TTC17: variants seen among roughly 807,000 people sequenced by gnomAD.
TTC17 encodes the protein tetratricopeptide repeat domain 17, also known as tetratricopeptide repeat protein 17.
Under a neutral mutation model 143.8 loss-of-function variants are expected in TTC17, and 58 were observed. The ratio of observed to expected loss-of-function variants is 0.40; its 90% CI spans 0.33 to 0.50. TTC17 has a LOEUF of 0.50. TTC17 is among the 20% of genes least tolerant of loss of function. TTC17 has a pLI of 0.49. For missense variants in TTC17, 1,273 were observed against 1,392.5 expected, an observed-to-expected ratio of 0.91 and a Z score of 1.37; for synonymous variants, 501 against 497.8, an observed-to-expected ratio of 1.01 and a Z score of -0.09.
intron 2 of TTC17, among the ~76,000 whole-genome samples, chr11:43,380,019 C>T (rs1386478708): frequency 2.6e-5 from 4 of 151,274 alleles, no homozygotes; most frequent in Admixed American, 2.6e-4. Context: ...GTTGTAGAAA[C>T]ATTAAATCAA....
At chr11:43,438,864 T>G (rs1947351208) in intron 16 of TTC17, among the ~76,000 whole-genome samples, 1 of 152,224 alleles carries the variant, frequency 6.6e-6, no homozygotes, top group African/African-American at 2.4e-5. Flanking sequence ...TCCCTCTCAA[T>G]AGTGTCCTCT....
rs34105462 is a variant in TTC17 at position 43,388,812 on chromosome 11, GA to G, written c.250-826del. ...AACATGGTAAAACCCCATCTGTATGGAAAAAAAAAAAAAATTAGCCAGACAT... is the reference window on the plus strand; with the variant it reads ...AACATGGTAAAACCCCATCTGTATGGAAAAAAAAAAAAATTAGCCAGACAT... On this transcript the variant is annotated intron_variant, in intron 2 of 23. Transcript: ENST00000039989. Among the ~76,000 whole-genome samples the G allele has an allele frequency of 5.5e-3, 762 of 139,126 alleles. 3 individuals carry two copies. The highest frequency in any genetic ancestry group is 0.014 in the Middle Eastern group (4 of 282). 91.3% of individuals were successfully genotyped at this position (139,126 alleles called of 152,430 possible).
chr11:43,490,160 T>G lies in TTC17; in HGVS notation c.3031-79T>G, dbSNP rs1948448767. ...AATACTCAGTTGAATGGTCATGACT[T>G]GTGTTACTGAACTTAATCTTGGTAA... On this transcript the variant is annotated intron_variant, in intron 21 of 23. Transcript: ENST00000039989. The G allele has an allele frequency of 3.3e-6, 5 of 1,532,566 alleles. No individual in the cohort carries two copies. The Admixed American group carries it at 9.3e-5, about 28-fold the overall frequency. 94.9% of individuals were successfully genotyped at this position (1,532,566 alleles called of 1,614,324 possible). A position where few individuals can be genotyped will look rare whatever the true frequency, so the allele number is the denominator to read the frequency against.
chr11:43,401,566 T>G lies in TTC17; in HGVS notation c.1332+8T>G. 6.3e-7 allele frequency: 1 copy of G among 1,583,768 alleles called. No individual in the cohort carries two copies. The highest frequency in any genetic ancestry group is 1.1e-5 in the South Asian group (1 of 88,114). ...AATGTGGACTATGTTCAGGTCTTTT[T>G]CTTGGTCCAGTCTAATTCTTATAAA... is the stretch of plus-strand genomic sequence containing the variant. On this transcript the variant is annotated splice_region_variant and intron_variant, in intron 10 of 23. Transcript: ENST00000039989.
At chr11:43,432,557 T>C (rs974742213) in intron 16 of TTC17, among the ~76,000 whole-genome samples, 1 of 152,244 alleles carries the variant, frequency 6.6e-6, no homozygotes, top group African/African-American at 2.4e-5. Context: ...TTTGTTTAAA[T>C]AGTGTTGTTC....
At chr11:43,378,832 A>G (rs1856857183) in intron 1 of TTC17, 1 of 158,498 alleles carries the variant, frequency 6.3e-6, no homozygotes, top group Non-Finnish European at 1.4e-5. Flanking sequence ...GGTACATTTA[A>G]TATTTTCCTT....
At chr11:43,467,371 A>G (rs996041506) in intron 21 of TTC17, among the ~76,000 whole-genome samples, 2 of 152,226 alleles carry the variant, frequency 1.3e-5, no homozygotes, top group Non-Finnish European at 2.9e-5. Flanking sequence ...ATGCTACAAC[A>G]TGGAGGAATC....
rs1947628059 is a variant in TTC17, at chr11:43,450,097, A to G, written c.2802A>G (p.Ile934Met). ...CATTTTTCAGCATCACAGAACACAT[A>G]GATTTTGCCACCCCTATACAGCAGC... ...SSKNIDITEH[I>M]DFATPIQQPA... The change falls in exon 20 of 24, where the codon ATA becomes ATG. Residue 934 changes from isoleucine (I) to methionine (M), a missense_variant. Around this residue, in one of 3 missense-constraint regions of TTC17, gnomAD observed 878 missense variants for 899.8 expected, o/e 0.98. Coordinates refer to ENST00000039989, the MANE Select transcript of TTC17 (RefSeq NM_018259.6). 3 of 1,613,828 alleles carry G rather than the reference A, an allele frequency of 1.9e-6. No individual in the cohort carries two copies. The highest frequency in any genetic ancestry group is 2.5e-6 in the Non-Finnish European group (3 of 1,179,948).
At chr11:43,359,558 C>G (rs924404342) in intron 1 of TTC17, among the ~76,000 whole-genome samples, 3 of 152,202 alleles carry the variant, frequency 2.0e-5, no homozygotes, top group African/African-American at 7.2e-5. Context: ...CTTCTGGACC[C>G]CTAGCCTGTG....
rs1948454049 is a variant in TTC17 at position 43,490,437 on chromosome 11, A to C, written c.3150+79A>C. The C allele has an allele frequency of 3.3e-5, 49 of 1,474,738 alleles. No homozygotes were observed. The South Asian group carries it at 6.9e-4, about 21-fold the overall frequency. 91.4% of individuals were successfully genotyped at this position (1,474,738 alleles called of 1,614,324 possible). On this transcript the variant is annotated intron_variant, in intron 22 of 23. Coordinates refer to ENST00000039989, the MANE Select transcript of TTC17 (RefSeq NM_018259.6). Reference sequence around the variant, plus strand: ...CATGGTTTATTCTGCCCTTTGAACCAGCCTCCCTCATGCTCAGCCAGTGAG... The same window carrying C: ...CATGGTTTATTCTGCCCTTTGAACCCGCCTCCCTCATGCTCAGCCAGTGAG...
intron 21 of TTC17, among the ~76,000 whole-genome samples, chr11:43,452,744 G>C (rs57693299): frequency 6.6e-6 from 1 of 152,198 alleles, no homozygotes; most frequent in East Asian, 1.9e-4. Context: ...GAGCCAGCCT[G>C]GGCAACATAG....
chr11:43,492,007 C>T lies in TTC17; in HGVS notation c.3151-13C>T. On this transcript the variant is annotated splice_polypyrimidine_tract_variant and intron_variant, in intron 22 of 23. Transcript: ENST00000039989. ...CCAATTTTCCCTTCTCACCATTCTCCTTCTTCTCCCAGGATGTGCCCCTGA... is the reference window on the plus strand; with the variant it reads ...CCAATTTTCCCTTCTCACCATTCTCTTTCTTCTCCCAGGATGTGCCCCTGA... The T allele has an allele frequency of 6.2e-7, 1 of 1,612,380 alleles. No individual in the cohort carries two copies.
intron 21 of TTC17, among the ~76,000 whole-genome samples, chr11:43,477,171 A>T (rs1360436774): frequency 6.6e-6 from 1 of 152,232 alleles, no homozygotes; most frequent in African/African-American, 2.4e-5. Flanking sequence ...CCCCATCTGC[A>T]TCTGAGACCA....
intron 15 of TTC17, among the ~76,000 whole-genome samples, chr11:43,408,863 T>C (rs1435124196): frequency 1.3e-5 from 2 of 152,046 alleles, no homozygotes; most frequent in African/African-American, 4.8e-5. Context: ...CACCTCAGCC[T>C]CCCTAGTAGC....
chr11:43,484,473 G>A (rs1246863099), intron 21 of TTC17, among the ~76,000 whole-genome samples: 1 of 152,114 alleles, frequency 6.6e-6, no homozygotes, highest in Non-Finnish European at 1.5e-5. Context: ...TAAATAAATA[G>A]ATATATAATG....
intron 18 of TTC17, chr11:43,445,858 C>T (rs1035143748): frequency 1.3e-5 from 10 of 750,750 alleles, no homozygotes; most frequent in Non-Finnish European, 2.1e-5. Flanking sequence ...AAATGGAGAT[C>T]ATTAAGAGCC....
At chr11:43,398,192 TA>T (rs1420227269) in intron 8 of TTC17, 79 bp downstream of exon 8, 1 of 1,527,552 alleles carries the variant, frequency 6.5e-7, no homozygotes, top group African/African-American at 1.4e-5. Context: ...ATATCAGTGT[TA>T]ATTTGGTAAC....
At chr11:43,450,681 G>A (rs117462385) in intron 20 of TTC17, among the ~76,000 whole-genome samples, 2,201 of 152,262 alleles carry the variant, frequency 0.014, 23 homozygotes, top group Middle Eastern at 0.02. Context: ...TTGGTTAGAT[G>A]TAAGATAGTA....
chr11:43,435,191 C>T (rs1947264415), intron 16 of TTC17: 1 of 152,084 alleles, frequency 6.6e-6, no homozygotes, highest in South Asian at 2.1e-4. Flanking sequence ...TTTGAATGTT[C>T]TGGTAAAGGA....
Sources: gnomAD v4.1 joint callset for allele counts (sites outside exome capture counted in the v4.1 genomes callset) on GRCh38, gnomAD v4.1.1 for gene constraint, gnomAD v4.1.1 regional missense constraint, MANE v1.5 for transcripts, NCBI Gene and HGNC (gene_info 2026-07-23, HGNC 2026-07-21) for gene names.